GPHN: variants seen among roughly 807,000 people sequenced by gnomAD.
GPHN encodes the protein gephyrin.
A neutral mutation model predicts 95.5 loss-of-function variants in GPHN; 17 were observed. That is an observed-to-expected ratio of 0.18 (90% CI 0.12 to 0.27). The LOEUF is 0.27. Ranked by LOEUF, GPHN falls within the 10% of genes least tolerant of loss-of-function variation. The pLI is 1.00. For synonymous variants in GPHN, 320 were observed against 322.5 expected (o/e 0.99, Z 0.08); for missense variants, 660 against 978.1 (o/e 0.67, Z 4.34).
At chr14:67,307,924 T>G in the GPHN span, among the ~76,000 whole-genome samples, 1 of 152,142 alleles carries the variant, frequency 6.6e-6, no homozygotes, top group Non-Finnish European at 1.5e-5. Flanking sequence ...GATCATATCC[T>G]TTGCAGGGAC....
chr14:67,599,784 G>GAGCA, the GPHN span, among the ~76,000 whole-genome samples: 11 of 152,340 alleles, frequency 7.2e-5, no homozygotes, highest in Admixed American at 6.5e-5. Context: ...GTGAACCCAC[G>GAGCA]GAGCAGAGCA....
chr14:67,062,953 T>C (rs768598306), intron 11 of GPHN, among the ~76,000 whole-genome samples: 11 of 152,250 alleles, frequency 7.2e-5, no homozygotes, highest in Non-Finnish European at 1.3e-4. Context: ...ATTTTGCTTT[T>C]GTTGCCATTG....
chr14:67,586,540 T>TG, the GPHN span: 2 of 680,782 alleles, frequency 2.9e-6, no homozygotes, highest in Admixed American at 2.4e-5. Context: ...TCTTCCTTGT[T>TG]GTGGGGAAGA....
intron 1 of GPHN, among the ~76,000 whole-genome samples, chr14:66,596,417 G>A (rs1391339890): frequency 2.0e-5 from 3 of 152,012 alleles, no homozygotes; most frequent in Non-Finnish European, 2.9e-5. Flanking sequence ...TGCCATCCAC[G>A]GTGCCCATGG....
At chr14:66,606,976 T>C (rs1250011962) in intron 1 of GPHN, among the ~76,000 whole-genome samples, 1 of 152,186 alleles carries the variant, frequency 6.6e-6, no homozygotes, top group East Asian at 1.9e-4. Context: ...TTCAGTACTA[T>C]GTTGAATAGG....
At chr14:67,278,554 A>G in the GPHN span, among the ~76,000 whole-genome samples, 1 of 152,202 alleles carries the variant, frequency 6.6e-6, no homozygotes, top group South Asian at 2.1e-4. Context: ...GCTATATGCC[A>G]AATCAGTTGA....
chr14:67,686,638 CAAAAAA>C, the GPHN span, among the ~76,000 whole-genome samples: 2 of 80,180 alleles, frequency 2.5e-5, no homozygotes, highest in East Asian at 3.4e-4. Context: ...GACACCGGTG[CAAAAAA>C]AAAAAAAAAA....
the GPHN span, among the ~76,000 whole-genome samples, chr14:67,390,989 G>A: frequency 1.8e-4 from 28 of 152,238 alleles, no homozygotes; most frequent in South Asian, 4.8e-3. Flanking sequence ...CAGAGCCAAA[G>A]AGAGTCCATG....
chr14:66,970,090 T>G (rs1411829696), intron 9 of GPHN, among the ~76,000 whole-genome samples: 14 of 150,836 alleles, frequency 9.3e-5, no homozygotes, highest in Admixed American at 3.3e-4. Context: ...GTTGTGTTTT[T>G]TTTTTTTTTT....
At chr14:67,256,580 C>G in the GPHN span, among the ~76,000 whole-genome samples, 1 of 152,026 alleles carries the variant, frequency 6.6e-6, no homozygotes, top group Non-Finnish European at 1.5e-5. Flanking sequence ...TGGAGTCTCG[C>G]TCTGTTGCCC....
At chr14:67,158,555 T>C (rs2081762499) in intron 18 of GPHN, among the ~76,000 whole-genome samples, 1 of 152,156 alleles carries the variant, frequency 6.6e-6, no homozygotes, top group South Asian at 2.1e-4. Flanking sequence ...GTTTGTGAAA[T>C]ATTTAAAATG....
intron 16 of GPHN, among the ~76,000 whole-genome samples, chr14:67,118,822 C>T (rs548263402): frequency 1.3e-5 from 2 of 152,140 alleles, no homozygotes; most frequent in African/African-American, 4.8e-5. Context: ...AGGAGAAAAG[C>T]AGAGAGCGTT....
intron 1 of GPHN, among the ~76,000 whole-genome samples, chr14:66,669,243 A>T (rs532318320): frequency 6.6e-6 from 1 of 151,904 alleles, no homozygotes; most frequent in East Asian, 2.0e-4. Flanking sequence ...GCATGCCTGT[A>T]ATCCCAGCTA....
At chr14:67,572,041 G>A in the GPHN span, 1 of 1,493,604 alleles carries the variant, frequency 6.7e-7, no homozygotes, top group Admixed American at 2.1e-5. Flanking sequence ...CCAGAGACCG[G>A]GTCCCGGGTG....
intron 1 of GPHN, among the ~76,000 whole-genome samples, chr14:66,520,394 T>C (rs186784206): frequency 2.5e-4 from 38 of 152,320 alleles, no homozygotes; most frequent in Non-Finnish European, 4.7e-4. Flanking sequence ...AGGATCCTTT[T>C]ATTAGGATTC....
chr14:66,709,407 G>T (rs1412134058), intron 2 of GPHN: 1 of 455,900 alleles, frequency 2.2e-6, no homozygotes, highest in Non-Finnish European at 4.4e-6. Context: ...AGATACTACT[G>T]AACCCAAGTA....
chr14:67,444,509 T>C, the GPHN span, among the ~76,000 whole-genome samples: 1 of 152,224 alleles, frequency 6.6e-6, no homozygotes, highest in Non-Finnish European at 1.5e-5. Flanking sequence ...TGTTCTTGAC[T>C]TCTGACTCAG....
At chr14:67,467,509 G>A in the GPHN span, among the ~76,000 whole-genome samples, 1 of 152,160 alleles carries the variant, frequency 6.6e-6, no homozygotes, top group African/African-American at 2.4e-5. Flanking sequence ...AGCATTGGTA[G>A]AGGCCACAAT....
the GPHN span, among the ~76,000 whole-genome samples, chr14:67,308,681 G>C: frequency 6.6e-6 from 1 of 151,730 alleles, no homozygotes. Flanking sequence ...AAGTAGCTGG[G>C]ATTACAGCTA....
Sources: gnomAD v4.1 joint callset for allele counts (sites outside exome capture counted in the v4.1 genomes callset) on GRCh38, gnomAD v4.1.1 for gene constraint, MANE v1.5 for transcripts, NCBI Gene and HGNC (gene_info 2026-07-23, HGNC 2026-07-21) for gene names.